The following CUX1 variants were observed in gnomAD, a reference collection of about 807,000 sequenced individuals.
CUX1 encodes protein CASP.
A neutral mutation model predicts 158.8 loss-of-function variants in CUX1; 31 were observed. The ratio of observed to expected loss-of-function variants is 0.20; its 90% CI spans 0.15 to 0.26. The LOEUF (loss-of-function observed/expected upper bound fraction) is 0.26. Among genes scored for constraint, CUX1 ranks in the 10% least tolerant of loss-of-function variants. The pLI, the probability that CUX1 is intolerant of heterozygous loss-of-function variation, is 1.00. For synonymous variants in CUX1, 879 were observed against 862.1 expected (o/e 1.02, Z -0.34); for missense variants, 1,589 against 2,014.6 (o/e 0.79, Z 4.04).
At chr7:102,103,308 G>A (rs1554487170) in intron 5 of CUX1, among the ~76,000 whole-genome samples, 1 of 152,150 alleles carries the variant, frequency 6.6e-6, no homozygotes, top group African/African-American at 2.4e-5. Flanking sequence ...TATCCACCTA[G>A]CACCACATGT....
At chr7:101,939,668 TA>T (rs1284412575) in intron 2 of CUX1, among the ~76,000 whole-genome samples, 1 of 151,382 alleles carries the variant, frequency 6.6e-6, no homozygotes, top group East Asian at 1.9e-4. Flanking sequence ...CCCACCTCTA[TA>T]AAAAAAATAC....
rs1801056434 is a variant in CUX1, at chr7:102,248,409, T to G, written c.3888-3T>G. 6.3e-7 allele frequency: 1 copy of G among 1,588,994 alleles called. No individual in the cohort carries two copies. The highest frequency in any genetic ancestry group is 1.7e-5 in the Admixed American group (1 of 58,778). On this transcript the variant is annotated splice_region_variant and splice_polypyrimidine_tract_variant and intron_variant, in intron 23 of 23. Transcript: ENST00000292535. The surrounding 1 kb of genome is among the most constrained non-coding windows in gnomAD (Gnocchi z 5.8). ...CACGTCCCCGCCGCTTGTTGTCTTG[T>G]AGGTCTCGGATCCGCAGAGAACTGT...
intron 14 of CUX1, chr7:102,273,356 T>C (rs782091587): frequency 3.1e-6 from 5 of 1,610,754 alleles, no homozygotes; most frequent in Non-Finnish European, 3.4e-6. Flanking sequence ...ATGTCTTCCT[T>C]TGGCCACAGG....
chr7:101,998,335 GTGTC>G (rs1181311042), intron 2 of CUX1, among the ~76,000 whole-genome samples: 2 of 152,354 alleles, frequency 1.3e-5, no homozygotes, highest in East Asian at 1.9e-4. Context: ...TTGCAGGACT[GTGTC>G]TGAGCTGTAG....
In CUX1 at chr7:102,128,596, A is replaced by G. The variant is rs1232994465; in HGVS notation, c.674+13323A>G. ...CGGTGGGAAGAACCTGGGTCGCAAC[A>G]TCGTAAAGACCTGGGTTTAATTCCC... is the stretch of plus-strand genomic sequence containing the variant. On this transcript the variant is annotated intron_variant, in intron 8 of 23. Coordinates refer to ENST00000292535, the MANE Select transcript of CUX1 (RefSeq NM_181552.4). Among the ~76,000 whole-genome samples the G allele has an allele frequency of 1.8e-4, 27 of 151,470 alleles. No homozygotes were observed. The Admixed American group carries it at 1.8e-3, about 10-fold the overall frequency.
Position 102,257,525 on chromosome 7 carries a change from G to A in CUX1, c.*8483G>A. ...AAATAAAAGTGGGGGTAAAAAGAAG[G>A]TGGTTTTCCCCACATCCCTTTGCAT... is the stretch of plus-strand genomic sequence containing the variant. On this transcript the variant is annotated 3_prime_UTR_variant, in exon 24 of 24. Transcript: ENST00000292535. 2.0e-6 allele frequency: 2 copies of A among 985,344 alleles called. No individual in the cohort carries two copies. The highest frequency in any genetic ancestry group is 4.7e-5 in the South Asian group (1 of 21,278). 61.0% of individuals were successfully genotyped at this position (985,344 alleles called of 1,614,324 possible). A position where few individuals can be genotyped will look rare whatever the true frequency, so the allele number is the denominator to read the frequency against.
chr7:101,979,740 C>G (rs1040666226), intron 2 of CUX1, among the ~76,000 whole-genome samples: 3 of 152,162 alleles, frequency 2.0e-5, no homozygotes, highest in Admixed American at 1.3e-4. Flanking sequence ...ACCTCCACCT[C>G]CTGAGTTCAA....
At chr7:102,126,591 C>G (rs2131259815) in intron 8 of CUX1, among the ~76,000 whole-genome samples, 1 of 152,190 alleles carries the variant, frequency 6.6e-6, no homozygotes, top group South Asian at 2.1e-4. Context: ...CACACCTAAC[C>G]TAAATGTCAT....
intron 2 of CUX1, among the ~76,000 whole-genome samples, chr7:101,984,077 C>CCAAAAAAAAAA (rs1185648555): frequency 6.0e-5 from 1 of 16,760 alleles, no homozygotes; most frequent in African/African-American, 3.1e-4. Flanking sequence ...TGTCCCCCCC[C>CCAAAAAAAAAA]AAAAAAAAAA....
At chr7:101,987,599 C>T (rs557743351) in intron 2 of CUX1, among the ~76,000 whole-genome samples, 3 of 152,370 alleles carry the variant, frequency 2.0e-5, no homozygotes, top group African/African-American at 7.2e-5. Context: ...TATAAGCCTG[C>T]TGACTCACCG....
chr7:102,053,088 G>A (rs1823716792), intron 3 of CUX1, among the ~76,000 whole-genome samples: 1 of 152,170 alleles, frequency 6.6e-6, no homozygotes, highest in Admixed American at 6.5e-5. Flanking sequence ...GGGATTATAG[G>A]CGTGAGCCAC....
Position 102,130,176 on chromosome 7 carries a change from C to A in CUX1, c.674+14903C>A, listed in dbSNP as rs147546165. ...CTCTCCTTTCAGCCAGTGCTGAGTT[C>A]TAAGGCAAGCCTGCAATATGAATTT... On this transcript the variant is annotated intron_variant, in intron 8 of 23. Coordinates refer to ENST00000292535, the MANE Select transcript of CUX1 (RefSeq NM_181552.4). Among the ~76,000 whole-genome samples the A allele has an allele frequency of 2.7e-3, 406 of 152,234 alleles. 1 individual carries two copies. The highest frequency in any genetic ancestry group is 9.5e-3 in the African/African-American group (393 of 41,540).
intron 2 of CUX1, among the ~76,000 whole-genome samples, chr7:101,963,624 C>A (rs915641153): frequency 3.3e-5 from 5 of 152,120 alleles, no homozygotes; most frequent in African/African-American, 1.2e-4. Flanking sequence ...TAATCAATTA[C>A]TTAGTACCTG....
chr7:101,998,363 G>A (rs1421161108), intron 2 of CUX1, among the ~76,000 whole-genome samples: 4 of 152,228 alleles, frequency 2.6e-5, no homozygotes, highest in Non-Finnish European at 5.9e-5. Context: ...CACATTTACC[G>A]AGTGTGCACA....
chr7:101,827,187 C>G (rs1481221513), intron 1 of CUX1, among the ~76,000 whole-genome samples: 1 of 151,990 alleles, frequency 6.6e-6, no homozygotes, highest in Non-Finnish European at 1.5e-5. Flanking sequence ...CTGCTGTTCC[C>G]CCTACCCCAC....
In CUX1 at chr7:101,843,274, G is replaced by T. The variant is rs1227189677; in HGVS notation, c.30+25605G>T. Among the ~76,000 whole-genome samples, 4 of 152,222 alleles carry T rather than the reference G, an allele frequency of 2.6e-5. No individual in the cohort carries two copies. In the East Asian group the frequency reaches 7.7e-4, roughly 29 times the overall value. On this transcript the variant is annotated intron_variant, in intron 1 of 23. Transcript: ENST00000292535. Reference sequence around the variant, plus strand: ...TTTTGCTTTCATTGCATTTGTTGCAGATCTGTGATGTAAGATCTTGTTTTT... The same window carrying T: ...TTTTGCTTTCATTGCATTTGTTGCATATCTGTGATGTAAGATCTTGTTTTT...
intron 10 of CUX1, among the ~76,000 whole-genome samples, chr7:102,176,187 A>T (rs990407263): frequency 3.3e-5 from 5 of 152,266 alleles, no homozygotes; most frequent in Non-Finnish European, 5.9e-5. Flanking sequence ...CTTAAATGGT[A>T]AAGGCCTCAT....
chr7:101,927,803 C>T (rs2906648), intron 2 of CUX1, among the ~76,000 whole-genome samples: 32,258 of 152,192 alleles, frequency 0.21, 3,940 homozygotes, highest in East Asian at 0.49. Flanking sequence ...AGGTAATTAA[C>T]GAGGAGCTAA....
chr7:102,255,133 C>T lies in CUX1; in HGVS notation c.*6091C>T, dbSNP rs1467775147. Reference sequence around the variant, plus strand: ...CCCGGCGGCCTGTGCTCCTCACCACCCTGGTCAGGGGAATAGAAGGAAATG... The same window carrying T: ...CCCGGCGGCCTGTGCTCCTCACCACTCTGGTCAGGGGAATAGAAGGAAATG... On this transcript the variant is annotated 3_prime_UTR_variant, in exon 24 of 24. Coordinates refer to ENST00000292535, the MANE Select transcript of CUX1 (RefSeq NM_181552.4). 2 of 985,262 alleles carry T rather than the reference C, an allele frequency of 2.0e-6. No individual in the cohort carries two copies. Among genetic ancestry groups the T allele is most frequent in the African/African-American group, 3.5e-5 (2 of 57,226 alleles). 61.0% of individuals were successfully genotyped at this position (985,262 alleles called of 1,614,324 possible).
Sources: gnomAD v4.1 joint callset for allele counts (sites outside exome capture counted in the v4.1 genomes callset) on GRCh38, gnomAD v4.1.1 for gene constraint, Gnocchi (gnomAD v3.1) non-coding constraint, MANE v1.5 for transcripts, NCBI Gene and HGNC (gene_info 2026-07-23, HGNC 2026-07-21) for gene names.